Variants in LRRC7 observed in about 807,000 individuals in gnomAD.
LRRC7 encodes leucine-rich repeat-containing protein 7.
Under a neutral mutation model 175.7 loss-of-function variants are expected in LRRC7, and 23 were observed. That is an observed-to-expected ratio of 0.13 (90% CI 0.09 to 0.19). LRRC7 has a LOEUF of 0.19. LRRC7 is among the 10% of genes least tolerant of loss of function. The pLI, the probability that LRRC7 is intolerant of heterozygous loss-of-function variation, is 1.00. For synonymous variants in LRRC7, 685 were observed against 680.9 expected (o/e 1.01, Z -0.09); for missense variants, 1,354 against 1,904.7 (o/e 0.71, Z 5.38).
chr1:69,584,868 T>C (rs1646344960), intron 1 of LRRC7, among the ~76,000 whole-genome samples: 1 of 151,742 alleles, frequency 6.6e-6, no homozygotes, highest in African/African-American at 2.4e-5. Context: ...CCTTGTTTCC[T>C]ACCACCTCAG....
chr1:69,603,053 T>C (rs989272490), intron 1 of LRRC7, among the ~76,000 whole-genome samples: 3 of 152,184 alleles, frequency 2.0e-5, no homozygotes, highest in Admixed American at 1.3e-4. Context: ...ATTCCTAGTA[T>C]TGAGTGAAGC....
At chr1:69,614,669 G>A (rs1157582820) in intron 1 of LRRC7, among the ~76,000 whole-genome samples, 1 of 152,060 alleles carries the variant, frequency 6.6e-6, no homozygotes, top group Non-Finnish European at 1.5e-5. Context: ...TCTTGGCACT[G>A]ATTTACTTAT....
intron 25 of LRRC7, among the ~76,000 whole-genome samples, chr1:70,092,819 G>C (rs953012905): frequency 3.9e-5 from 6 of 152,106 alleles, no homozygotes; most frequent in African/African-American, 1.4e-4. Context: ...GAGGAATCAG[G>C]ATTAAGCCAA....
chr1:69,583,482 A>G (rs1646279894), intron 1 of LRRC7, among the ~76,000 whole-genome samples: 2 of 152,158 alleles, frequency 1.3e-5, no homozygotes, highest in Non-Finnish European at 2.9e-5. Context: ...GTTTTCAAAC[A>G]TTTTTATAAT....
intron 1 of LRRC7, among the ~76,000 whole-genome samples, chr1:69,654,577 T>C (rs531979933): frequency 6.6e-6 from 1 of 152,140 alleles, no homozygotes; most frequent in Admixed American, 6.6e-5. Context: ...TCTATATCAG[T>C]GCACTTATGT....
chr1:69,683,314 G>A (rs919663802), intron 2 of LRRC7, among the ~76,000 whole-genome samples: 6 of 152,116 alleles, frequency 3.9e-5, no homozygotes, highest in African/African-American at 1.4e-4. Context: ...AATATTCTGT[G>A]TAAGATTCTA....
intron 7 of LRRC7, among the ~76,000 whole-genome samples, chr1:69,914,027 G>A (rs1419274711): frequency 6.6e-6 from 1 of 152,152 alleles, no homozygotes; most frequent in Non-Finnish European, 1.5e-5. Flanking sequence ...ACTAAGCAAA[G>A]TGAAAAAATT....
At chr1:69,891,339 G>C (rs1645826868) in intron 7 of LRRC7, among the ~76,000 whole-genome samples, 1 of 152,344 alleles carries the variant, frequency 6.6e-6, no homozygotes, top group East Asian at 1.9e-4. Flanking sequence ...TGGTGGAACA[G>C]GCAGAATATA....
rs145741570 is a variant in LRRC7 at position 69,732,753 on chromosome 1, T to C, written c.101-27438T>C. Among the ~76,000 whole-genome samples, 550 of 152,240 alleles carry C rather than the reference T, an allele frequency of 3.6e-3. 4 individuals carry two copies. In the Middle Eastern group the frequency reaches 0.058, roughly 16 times the overall value. ...CTCCTTTTTATATACAAAAATATTT[T>C]AGTTTACTTGAACTAAAAATTAAAT... On this transcript the variant is annotated intron_variant, in intron 2 of 26. Transcript: ENST00000651989.
At chr1:69,763,694 T>A (rs1029670302) in intron 3 of LRRC7, among the ~76,000 whole-genome samples, 6 of 151,992 alleles carry the variant, frequency 3.9e-5, no homozygotes, top group African/African-American at 1.2e-4. Flanking sequence ...TGCCTCAAAA[T>A]CAAAAACTAT....
At position 69,827,245 on chromosome 1, in the gene LRRC7, C is replaced by CT. The variant is rs1275004512; in HGVS notation, c.500+1425dup. Among the ~76,000 whole-genome samples the CT allele has an allele frequency of 5.9e-5, 9 of 152,142 alleles. No homozygotes were observed. The East Asian group carries it at 1.5e-3, about 26-fold the overall frequency. ...ACAATCCAGTGCTGTTGATAAATTGCTTTTTTCCTCCTAATTATTTAATTC... is the reference window on the plus strand; with the variant it reads ...ACAATCCAGTGCTGTTGATAAATTGCTTTTTTTCCTCCTAATTATTTAATTC... On this transcript the variant is annotated intron_variant, in intron 5 of 26. Coordinates refer to ENST00000651989, the MANE Select transcript of LRRC7 (RefSeq NM_001370785.2).
intron 8 of LRRC7, among the ~76,000 whole-genome samples, chr1:69,943,270 C>A (rs994765831): frequency 3.3e-5 from 5 of 151,468 alleles, no homozygotes; most frequent in African/African-American, 1.2e-4. Context: ...TATTCAGCAA[C>A]GAAAAAAAAT....
intron 1 of LRRC7, among the ~76,000 whole-genome samples, chr1:69,611,093 T>A (rs1648648971): frequency 6.6e-6 from 1 of 152,046 alleles, no homozygotes; most frequent in Non-Finnish European, 1.5e-5. Context: ...TCAACAGCTC[T>A]TTTAAACTTT....
intron 7 of LRRC7, among the ~76,000 whole-genome samples, chr1:69,926,672 C>G (rs1647084499): frequency 6.6e-6 from 1 of 151,930 alleles, no homozygotes; most frequent in Admixed American, 6.6e-5. Context: ...AGATCTTCCT[C>G]CATCCTTTTA....
At chr1:69,920,317 T>TA (rs796335027) in intron 7 of LRRC7, 9,035 of 138,314 alleles carry the variant, frequency 0.065, 500 homozygotes, top group African/African-American at 0.16. Flanking sequence ...CCGGAACCAC[T>TA]AAAAAAAAAA....
intron 7 of LRRC7, among the ~76,000 whole-genome samples, chr1:69,887,951 C>T (rs2101633813): frequency 7.0e-6 from 1 of 142,258 alleles, no homozygotes; most frequent in East Asian, 2.1e-4. Flanking sequence ...GTCAGGGACC[C>T]ACTTGAGGAG....
intron 8 of LRRC7, among the ~76,000 whole-genome samples, chr1:69,944,130 C>G (rs1301642746): frequency 4.6e-5 from 7 of 152,020 alleles, no homozygotes; most frequent in Non-Finnish European, 7.4e-5. Context: ...TGCAACTCCC[C>G]ATTTTCCTCT....
intron 1 of LRRC7, among the ~76,000 whole-genome samples, chr1:69,612,703 T>C (rs529669060): frequency 6.6e-6 from 1 of 152,242 alleles, no homozygotes; most frequent in South Asian, 2.1e-4. Flanking sequence ...TACTGTAATT[T>C]ACCTAAATAA....
chr1:69,587,214 T>C (rs771665091), intron 1 of LRRC7, among the ~76,000 whole-genome samples: 7 of 152,206 alleles, frequency 4.6e-5, no homozygotes, highest in Non-Finnish European at 1.5e-5. Flanking sequence ...ATTCTACTTC[T>C]TTCTTCCCTT....
Sources: gnomAD v4.1 joint callset for allele counts (sites outside exome capture counted in the v4.1 genomes callset) on GRCh38, gnomAD v4.1.1 for gene constraint, MANE v1.5 for transcripts, NCBI Gene and HGNC (gene_info 2026-07-23, HGNC 2026-07-21) for gene names.